MSMO1: variants seen among roughly 807,000 people sequenced by gnomAD.
MSMO1 encodes the protein methylsterol monooxygenase 1, also known as C-4 methylsterol oxidase.
In MSMO1, 18 loss-of-function variants were observed where a neutral mutation model predicts 30.4. The observed-to-expected ratio is 0.59, with a 90% CI of 0.41 to 0.88. The LOEUF (loss-of-function observed/expected upper bound fraction) is 0.88. Among genes scored for constraint, MSMO1 ranks in the 40% least tolerant of loss-of-function variants. The pLI is 0.00. For missense variants in MSMO1, 284 were observed against 340.5 expected (o/e 0.83, Z 1.31); for synonymous variants, 84 against 107.9 (o/e 0.78, Z 1.37).
intron 5 of MSMO1, 39 bp downstream of exon 5, chr4:165,340,414 A>AAT: frequency 6.5e-7 from 1 of 1,531,582 alleles, no homozygotes; most frequent in Non-Finnish European, 9.0e-7. Context: ...AGCATAATGA[A>AAT]ATATATTTAT....
chr4:165,334,052 C>G (rs7669547), intron 2 of MSMO1, among the ~76,000 whole-genome samples: 36,425 of 152,070 alleles, frequency 0.24, 5,213 homozygotes, highest in South Asian at 0.42. Flanking sequence ...GCACTATACT[C>G]TAGCATAGGC....
intron 2 of MSMO1, among the ~76,000 whole-genome samples, chr4:165,337,267 C>T (rs980211239): frequency 6.6e-6 from 1 of 152,152 alleles, no homozygotes; most frequent in Non-Finnish European, 1.5e-5. Flanking sequence ...TCTGTGAACT[C>T]CATAATCAGG....
chr4:165,337,779 T>C lies in MSMO1; in HGVS notation c.256-10T>C. ...AGACTAATATTAGATATTGTGATTTTTCTTCGTAGGATAAGCCAGAGACAT... is the reference window on the plus strand; with the variant it reads ...AGACTAATATTAGATATTGTGATTTCTCTTCGTAGGATAAGCCAGAGACAT... On this transcript the variant is annotated splice_polypyrimidine_tract_variant and intron_variant, in intron 2 of 5. Transcript: ENST00000261507. 1 of 1,613,368 alleles carries C rather than the reference T, an allele frequency of 6.2e-7. No individual in the cohort carries two copies. The highest frequency in any genetic ancestry group is 8.5e-7 in the Non-Finnish European group (1 of 1,179,560).
chr4:165,339,096 C>CTTT (rs869192459), intron 4 of MSMO1, among the ~76,000 whole-genome samples: 3,306 of 60,362 alleles, frequency 0.055, 512 homozygotes, highest in African/African-American at 0.079. Flanking sequence ...ATGAGCACTG[C>CTTT]TTTTTTTTTT....
At chr4:165,338,948 A>G (rs528917436) in intron 4 of MSMO1, among the ~76,000 whole-genome samples, 170 bp downstream of exon 4, 1 of 152,270 alleles carries the variant, frequency 6.6e-6, no homozygotes, top group African/African-American at 2.4e-5. Flanking sequence ...CATTGTTTTC[A>G]TTATTTAAAT....
At chr4:165,339,353 C>T (rs1403569955) in intron 4 of MSMO1, among the ~76,000 whole-genome samples, 2 of 152,022 alleles carry the variant, frequency 1.3e-5, no homozygotes, top group Non-Finnish European at 2.9e-5. Flanking sequence ...ATCCACCCGC[C>T]TTGGACTCGC....
intron 1 of MSMO1, among the ~76,000 whole-genome samples, chr4:165,330,158 C>T (rs776169897): frequency 6.6e-6 from 1 of 152,148 alleles, no homozygotes; most frequent in South Asian, 2.1e-4. Context: ...GCATGGGCTT[C>T]CCCACTTAGC....
At chr4:165,332,607 C>T (rs1747430414) in intron 1 of MSMO1, among the ~76,000 whole-genome samples, 1 of 152,162 alleles carries the variant, frequency 6.6e-6, no homozygotes, top group South Asian at 2.1e-4. Context: ...TGTGGTCATG[C>T]CTGTTCTCTC....
chr4:165,338,052 T>A, intron 3 of MSMO1, 115 bp downstream of exon 3: 1 of 962,948 alleles, frequency 1.0e-6, no homozygotes, highest in Non-Finnish European at 1.6e-6. Flanking sequence ...ACTTTGGAAG[T>A]AAATAAATAG....
chr4:165,334,475 C>A (rs1359253963), intron 2 of MSMO1, among the ~76,000 whole-genome samples: 1 of 152,220 alleles, frequency 6.6e-6, no homozygotes, highest in African/African-American at 2.4e-5. Context: ...ACTGTTAATA[C>A]ACTACGACCT....
intron 2 of MSMO1, among the ~76,000 whole-genome samples, chr4:165,335,036 A>G (rs1747502442): frequency 6.6e-6 from 1 of 152,196 alleles, no homozygotes; most frequent in African/African-American, 2.4e-5. Context: ...ATTAAGTATT[A>G]TAAGTGCTGT....
chr4:165,333,643 G>GA lies in MSMO1; in HGVS notation c.255+21dup. The stretch of plus-strand genomic sequence containing the variant: ...TTCAAAAGGTGAGTATAAGGGACTA[G>GA]AAATAGAATATTATCATTAATGTTG... On this transcript the variant is annotated intron_variant, in intron 2 of 5. Transcript: ENST00000261507. 1.3e-6 allele frequency: 2 copies of GA among 1,554,676 alleles called. No homozygotes were observed. Among genetic ancestry groups the GA allele is most frequent in the Non-Finnish European group, 1.7e-6 (2 of 1,144,970 alleles).
In MSMO1 at chr4:165,340,327, T is replaced by A. The variant is rs1008200986; in HGVS notation, c.638T>A (p.Leu213His). 6.2e-7 allele frequency: 1 copy of A among 1,613,868 alleles called. No homozygotes were observed. Among genetic ancestry groups the A allele is most frequent in the Non-Finnish European group, 8.5e-7 (1 of 1,179,924 alleles). Residue 213 changes from leucine to histidine, a missense_variant, in exon 5 of 6, where the codon CTT becomes CAT. By Grantham distance (99) the Leu-to-His change is moderately conservative. Transcript: ENST00000261507. ...IVLLCDHVIL[L>H]WAWVTIRLLE... ...CTTTTGTGTGATCATGTAATTCTTC[T>A]TTGGGCATGGGTGACCATTCGTTTA...
intron 5 of MSMO1, among the ~76,000 whole-genome samples, chr4:165,341,031 ATTTC>A (rs1747701880): frequency 7.3e-6 from 1 of 136,368 alleles, no homozygotes; most frequent in Non-Finnish European, 1.6e-5. Flanking sequence ...TGTAATTGAC[ATTTC>A]TTTCTTTTTT....
At chr4:165,332,505 A>C (rs757249051) in intron 1 of MSMO1, among the ~76,000 whole-genome samples, 3 of 152,176 alleles carry the variant, frequency 2.0e-5, no homozygotes, top group African/African-American at 4.8e-5. Context: ...TGAATGAGAA[A>C]GTTGCTGGAT....
chr4:165,338,697 T>TA lies in MSMO1; in HGVS notation c.451dup (p.Thr151AsnfsTer8). Reference sequence around the variant, plus strand: ...GCTTTGGTTGTGCAGTCATTGAAGATACTTGGCACTATTTTCTGCATAGAC... The same window carrying TA: ...GCTTTGGTTGTGCAGTCATTGAAGATAACTTGGCACTATTTTCTGCATAGAC... On this transcript the variant is annotated frameshift_variant, in exon 4 of 6. Transcript: ENST00000261507. LOFTEE classifies it high-confidence loss of function. 6.2e-7 allele frequency: 1 copy of TA among 1,607,138 alleles called. No individual in the cohort carries two copies. Among genetic ancestry groups the TA allele is most frequent in the Non-Finnish European group, 8.5e-7 (1 of 1,173,764 alleles).
intron 1 of MSMO1, among the ~76,000 whole-genome samples, chr4:165,331,730 C>A (rs540092243): frequency 6.6e-6 from 1 of 152,056 alleles, no homozygotes; most frequent in South Asian, 2.1e-4. Flanking sequence ...TTAAAATGGT[C>A]CAAAAAATTC....
chr4:165,341,645 T>C, intron 5 of MSMO1, 106 bp from the exon 6 acceptor site: 1 of 991,538 alleles, frequency 1.0e-6, no homozygotes, highest in Non-Finnish European at 1.6e-6. Context: ...CTAGGCAAAG[T>C]GGCATGTTAT....
intron 1 of MSMO1, among the ~76,000 whole-genome samples, chr4:165,329,624 G>GTTTTTT (rs1200715204): frequency 1.2e-5 from 1 of 86,120 alleles, no homozygotes; most frequent in African/African-American, 5.0e-5. Context: ...GATCCATAGC[G>GTTTTTT]ATTTTTTTTT....
Sources: gnomAD v4.1 joint callset for allele counts (sites outside exome capture counted in the v4.1 genomes callset) on GRCh38, gnomAD v4.1.1 for gene constraint, MANE v1.5 for transcripts, NCBI Gene and HGNC (gene_info 2026-07-23, HGNC 2026-07-21) for gene names.